The following ACAT2 variants were observed in gnomAD, a reference collection of about 807,000 sequenced individuals.
ACAT2 encodes acetyl-CoA acetyltransferase, cytosolic.
ACAT2 carries 26 observed loss-of-function variants against 37.1 expected under a neutral mutation model. That is an observed-to-expected ratio of 0.70 (90% CI 0.51 to 0.97). ACAT2 has a LOEUF of 0.97. Ranked by LOEUF, ACAT2 falls within the 50% of genes least tolerant of loss-of-function variation. ACAT2 has a pLI of 0.00. For synonymous variants in ACAT2, 156 were observed against 163.6 expected (o/e 0.95, Z 0.35); for missense variants, 468 against 489.0 (o/e 0.96, Z 0.40).
chr6:159,771,912 A>G (rs568142570), intron 4 of ACAT2, among the ~76,000 whole-genome samples: 135 of 152,104 alleles, frequency 8.9e-4, no homozygotes, highest in African/African-American at 3.0e-3. Context: ...TAGTGACACA[A>G]CAACAACAAC....
chr6:159,764,143 G>T (rs113147820), intron 2 of ACAT2, among the ~76,000 whole-genome samples: 1 of 152,034 alleles, frequency 6.6e-6, no homozygotes, highest in Non-Finnish European at 1.5e-5. Context: ...CCAGCCTGAC[G>T]CATAGGAAAG....
chr6:159,770,514 G>A (rs762274191), intron 4 of ACAT2, among the ~76,000 whole-genome samples: 6 of 152,078 alleles, frequency 3.9e-5, no homozygotes, highest in Non-Finnish European at 7.4e-5. Flanking sequence ...CTGAAATTAA[G>A]AATTCACTGG....
rs1284232251 is a variant in ACAT2 at position 159,772,689 on chromosome 6, G to A, written c.491-2481G>A. On this transcript the variant is annotated intron_variant, in intron 4 of 8. Coordinates refer to ENST00000367048, the MANE Select transcript of ACAT2 (RefSeq NM_005891.3). ...GCCTATAGTCCCAGCTACTAGGGAG[G>A]CTGTGGTGGGAGGATCACTTGAGGC... 2.0e-5 allele frequency among the ~76,000 whole-genome samples: 3 copies of A among 152,104 alleles called. No homozygotes were observed. The East Asian group carries it at 5.8e-4, about 29-fold the overall frequency.
At chr6:159,766,977 T>C (rs773853025) in intron 2 of ACAT2, 28 bp from the exon 3 acceptor site, 2 of 1,612,590 alleles carry the variant, frequency 1.2e-6, no homozygotes, top group South Asian at 2.2e-5. Context: ...CCTTGATTGC[T>C]AAGAGTCCTC....
chr6:159,774,791 T>G (rs1301057823), intron 4 of ACAT2, among the ~76,000 whole-genome samples: 1 of 152,216 alleles, frequency 6.6e-6, no homozygotes, highest in African/African-American at 2.4e-5. Context: ...GGCCTTGTTT[T>G]GGGGAAGTAT....
In ACAT2 at chr6:159,777,372, T is replaced by G. The variant is rs1331492090; in HGVS notation, c.828T>G (p.Pro276=). The G allele has an allele frequency of 6.2e-7, 1 of 1,614,216 alleles. No homozygotes were observed. Among genetic ancestry groups the G allele is most frequent in the Non-Finnish European group, 8.5e-7 (1 of 1,180,020 alleles). The change falls in exon 7 of 9, where the codon CCT becomes CCG. Residue 276 remains proline (P), a synonymous_variant. Coordinates refer to ENST00000367048, the MANE Select transcript of ACAT2 (RefSeq NM_005891.3). ...AAGCTGATAAACGTGGGCTTACACC[T>G]TTAGCACGGATAGTTTCCTGGTCCC... is the stretch of plus-strand genomic sequence containing the variant. ...KSEADKRGLT[P]LARIVSWSQV... is the part of the protein sequence containing the mutation.
chr6:159,777,525 A>G (rs1327268390), intron 7 of ACAT2, 69 bp downstream of exon 7: 2 of 1,467,512 alleles, frequency 1.4e-6, no homozygotes, highest in African/African-American at 1.4e-5. Flanking sequence ...TTATTCATGT[A>G]GTTAGCTCTA....
At chr6:159,773,735 A>G (rs1039833825) in intron 4 of ACAT2, among the ~76,000 whole-genome samples, 3 of 152,262 alleles carry the variant, frequency 2.0e-5, no homozygotes, top group Non-Finnish European at 2.9e-5. Context: ...AAATTTCAGC[A>G]TCAAAGTAAG....
At chr6:159,763,235 T>A (rs961407728) in intron 2 of ACAT2, among the ~76,000 whole-genome samples, 182 bp downstream of exon 2, 41 of 152,306 alleles carry the variant, frequency 2.7e-4, no homozygotes, top group Non-Finnish European at 5.1e-4. Flanking sequence ...TCCAGCCCTG[T>A]CAGTAGCTTC....
At position 159,767,056 on chromosome 6, in the gene ACAT2, A is replaced by C; in HGVS notation, c.242A>C (p.Tyr81Ser). 6.2e-7 allele frequency: 1 copy of C among 1,613,996 alleles called. No homozygotes were observed. Among genetic ancestry groups the C allele is most frequent in the Non-Finnish European group, 8.5e-7 (1 of 1,179,972 alleles). The change falls in exon 3 of 9, where the codon TAC (tyrosine) becomes TCC (serine). Residue 81 changes from tyrosine (Y) to serine (S), a missense_variant. Tyr to Ser is a moderately radical substitution (Grantham distance 144, BLOSUM62 -2). Transcript: ENST00000367048. ...GCCAGTGTGGGTGCAGGAATTCCCT[A>C]CTCTGTTCCAGCATGGAGCTGCCAG... ...RQASVGAGIP[Y>S]SVPAWSCQMI...
chr6:159,763,820 G>A (rs1305783822), intron 2 of ACAT2, among the ~76,000 whole-genome samples: 7 of 150,524 alleles, frequency 4.7e-5, no homozygotes, highest in South Asian at 2.1e-4. Flanking sequence ...AAGCAGGGCC[G>A]GCCGGGCCCG....
intron 2 of ACAT2, 65 bp downstream of exon 2, chr6:159,763,118 ACACACACTCT>A: frequency 4.5e-6 from 7 of 1,548,344 alleles, no homozygotes; most frequent in Non-Finnish European, 6.1e-6. Flanking sequence ...ACACACACAC[ACACACACTCT>A]CACACACTCA....
rs1426737838 is a variant in ACAT2 at position 159,777,411 on chromosome 6, G to T, written c.867G>T (p.Glu289Asp). ...RIVSWSQVGV[E>D]PSIMGIGPIP... ...TTTCCTGGTCCCAAGTGGGTGTGGA[G>T]CCTTCCATTATGGGAATAGGACCAA... The change falls in exon 7 of 9, where the codon GAG becomes GAT. Residue 289 changes from glutamate (E) to aspartate (D), a missense_variant. Coordinates refer to ENST00000367048, the MANE Select transcript of ACAT2 (RefSeq NM_005891.3). 5.6e-6 allele frequency: 9 copies of T among 1,614,140 alleles called. No homozygotes were observed. The Middle Eastern group carries it at 5.0e-4, about 89-fold the overall frequency.
Position 159,767,028 on chromosome 6 carries a change from C to G in ACAT2, c.214C>G (p.Gln72Glu). Reference sequence around the variant, plus strand: ...AGGCTGTGGGCAGAATCCTGTTAGACAAGCCAGTGTGGGTGCAGGAATTCC... The same window carrying G: ...AGGCTGTGGGCAGAATCCTGTTAGAGAAGCCAGTGTGGGTGCAGGAATTCC... ...AAGCGQNPVR[Q>E]ASVGAGIPYS... Residue 72 changes from glutamine (Q) to glutamate (E), a missense_variant, in exon 3 of 9, where the codon CAA becomes GAA. Gln to Glu is a conservative substitution (Grantham distance 29, BLOSUM62 2). Transcript: ENST00000367048. 6.2e-7 allele frequency: 1 copy of G among 1,613,556 alleles called. No homozygotes were observed. The highest frequency in any genetic ancestry group is 8.5e-7 in the Non-Finnish European group (1 of 1,179,868).
At chr6:159,769,843 G>A (rs1780308759) in intron 4 of ACAT2, among the ~76,000 whole-genome samples, 1 of 152,196 alleles carries the variant, frequency 6.6e-6, no homozygotes, top group Non-Finnish European at 1.5e-5. Context: ...GAAAAAAAGA[G>A]CTCCAGAAAT....
intron 3 of ACAT2, 126 bp from the exon 4 acceptor site, chr6:159,768,385 C>G: frequency 1.4e-6 from 1 of 710,380 alleles, no homozygotes; most frequent in South Asian, 1.7e-5. Flanking sequence ...GGACCTAGAA[C>G]TGGGGAGAAG....
At position 159,766,995 on chromosome 6, in the gene ACAT2, C is replaced by G. The variant is rs760510377; in HGVS notation, c.191-10C>G. Reference sequence around the variant, plus strand: ...TGATTGCTAAGAGTCCTCTGTGTTCCTCTTTCTAGGCTGTGGGCAGAATCC... The same window carrying G: ...TGATTGCTAAGAGTCCTCTGTGTTCGTCTTTCTAGGCTGTGGGCAGAATCC... On this transcript the variant is annotated splice_polypyrimidine_tract_variant and intron_variant, in intron 2 of 8. Coordinates refer to ENST00000367048, the MANE Select transcript of ACAT2 (RefSeq NM_005891.3). 5.0e-6 allele frequency: 8 copies of G among 1,613,836 alleles called. No individual in the cohort carries two copies. Among genetic ancestry groups the G allele is most frequent in the East Asian group, 2.2e-5 (1 of 44,874 alleles).
Position 159,777,311 on chromosome 6 carries a change from A to G in ACAT2, c.767A>G (p.Asp256Gly). ...VTPANASGIN[D>G]GAAAVVLMKK... ...CACTCATATTTTACAGGAATAAATG[A>G]TGGTGCTGCAGCTGTCGTTCTTATG... The change falls in exon 7 of 9, where the codon GAT becomes GGT. Residue 256 changes from aspartate (D) to glycine (G), a missense_variant. By Grantham distance (94) the Asp-to-Gly change is moderately conservative (BLOSUM62 -1). Transcript: ENST00000367048. 1 of 1,611,792 alleles carries G rather than the reference A, an allele frequency of 6.2e-7. No individual in the cohort carries two copies. Among genetic ancestry groups the G allele is most frequent in the Non-Finnish European group, 8.5e-7 (1 of 1,179,312 alleles).
Position 159,763,028 on chromosome 6 carries a change from C to A in ACAT2, c.165C>A (p.Val55=). The A allele has an allele frequency of 6.2e-7, 1 of 1,612,868 alleles. No homozygotes were observed. The change falls in exon 2 of 9, where the codon GTC becomes GTA. Residue 55 remains valine (V), a synonymous_variant. Transcript: ENST00000367048. ...ATVAPEDVSE[V]IFGHVLAAGC... ...TGGCTCCGGAAGATGTGTCTGAGGT[C>A]ATCTTTGGACATGTCTTGGCAGCAG...
Sources: gnomAD v4.1 joint callset for allele counts (sites outside exome capture counted in the v4.1 genomes callset) on GRCh38, gnomAD v4.1.1 for gene constraint, MANE v1.5 for transcripts, NCBI Gene and HGNC (gene_info 2026-07-23, HGNC 2026-07-21) for gene names.